The following EDARADD variants were observed in gnomAD, a reference collection of about 807,000 sequenced individuals.
The protein encoded by EDARADD is EDAR associated via death domain, also known as ectodysplasin-A receptor-associated adapter protein.
Under a neutral mutation model 25.6 loss-of-function variants are expected in EDARADD, and 20 were observed. That is an observed-to-expected ratio of 0.78 (90% CI 0.55 to 1.14). The LOEUF is 1.14. Ranked by LOEUF, EDARADD falls within the 50% of genes most tolerant of loss-of-function variation. The probability of loss-of-function intolerance (pLI) is 0.00; values close to 1 mark genes in which losing one functional copy is unlikely to be tolerated. For missense variants in EDARADD, 225 were observed against 270.1 expected, an observed-to-expected ratio of 0.83 and a Z score of 1.17; for synonymous variants, 86 against 94.4, an observed-to-expected ratio of 0.91 and a Z score of 0.52.
chr1:236,381,801 CTTTTTTT>C (rs71559949), intron 3 of EDARADD, among the ~76,000 whole-genome samples: 14 of 42,078 alleles, frequency 3.3e-4, no homozygotes, highest in East Asian at 8.1e-4. Flanking sequence ...CCTGTGGTTG[CTTTTTTT>C]TTTTTTTTTT....
At chr1:236,391,765 G>T (rs140043505), upstream of EDARADD, among the ~76,000 whole-genome samples, 410 of 152,262 alleles carry the variant, frequency 2.7e-3, 6 homozygotes, top group East Asian at 1.2e-3. Flanking sequence ...TTGAGTTGTT[G>T]TTTCCCCCAT....
chr1:236,451,564 A>C (rs1658712939), intron 4 of EDARADD, among the ~76,000 whole-genome samples: 1 of 152,008 alleles, frequency 6.6e-6, no homozygotes, highest in African/African-American at 2.4e-5. Context: ...CTGGGACTAC[A>C]GGTGCCCACC....
chr1:236,481,698 G>A (rs182529807), intron 5 of EDARADD, among the ~76,000 whole-genome samples: 292 of 151,068 alleles, frequency 1.9e-3, no homozygotes, highest in Non-Finnish European at 3.1e-3. Context: ...AGGATCGCTT[G>A]AGCCTGGAGG....
At chr1:236,427,335 G>A (rs1169510180) in intron 3 of EDARADD, 57 bp from the exon 4 acceptor site, 2 of 1,553,954 alleles carry the variant, frequency 1.3e-6, no homozygotes, top group Admixed American at 1.8e-5. Context: ...ACCACGGAGT[G>A]TGTGCTTTTT....
intron 4 of EDARADD, among the ~76,000 whole-genome samples, chr1:236,452,834 G>A (rs17582358): frequency 0.17 from 26,084 of 151,992 alleles, 2,427 homozygotes; most frequent in South Asian, 0.22. Context: ...AAACTCCTAT[G>A]ACACTAAAGA....
intron 1 of EDARADD, among the ~76,000 whole-genome samples, chr1:236,407,787 G>A (rs1667764240): frequency 6.6e-6 from 1 of 152,170 alleles, no homozygotes; most frequent in African/African-American, 2.4e-5. Flanking sequence ...TTGGAGATGG[G>A]AAACTTTTCT....
At chr1:236,447,051 C>A (rs1658561128) in intron 4 of EDARADD, among the ~76,000 whole-genome samples, 1 of 152,144 alleles carries the variant, frequency 6.6e-6, no homozygotes, top group Non-Finnish European at 1.5e-5. Context: ...GTGCTGGCAC[C>A]AGAGCACCTA....
At chr1:236,410,256 C>G (rs13373837) in intron 2 of EDARADD, among the ~76,000 whole-genome samples, 7,234 of 152,030 alleles carry the variant, frequency 0.048, 437 homozygotes, top group African/African-American at 0.14. Context: ...CACCCTCCCC[C>G]CTTTTGGAGT....
intron 4 of EDARADD, among the ~76,000 whole-genome samples, chr1:236,437,825 T>C (rs933311008): frequency 6.8e-6 from 1 of 147,470 alleles, no homozygotes; most frequent in Admixed American, 7.0e-5. Context: ...CTCAGCCCAC[T>C]GCGACCTTTG....
intron 3 of EDARADD, among the ~76,000 whole-genome samples, chr1:236,423,733 A>C (rs1476886887): frequency 1.3e-5 from 2 of 152,224 alleles, no homozygotes; most frequent in Non-Finnish European, 2.9e-5. Flanking sequence ...CTAGTCACTA[A>C]TTGGATGGAG....
intron 4 of EDARADD, among the ~76,000 whole-genome samples, chr1:236,446,341 G>A (rs1448628899): frequency 6.6e-6 from 1 of 152,126 alleles, no homozygotes; most frequent in African/African-American, 2.4e-5. Flanking sequence ...CACAAGGTCA[G>A]GAGTTTGAGA....
At chr1:236,416,360 G>C (rs984062516) in intron 3 of EDARADD, among the ~76,000 whole-genome samples, 1 of 152,234 alleles carries the variant, frequency 6.6e-6, no homozygotes, top group Non-Finnish European at 1.5e-5. Flanking sequence ...AAGTGAAACT[G>C]TCTTAGAAAA....
In EDARADD at chr1:236,482,581, G is replaced by T. The variant is rs928145231; in HGVS notation, c.580G>T (p.Val194Phe). The stretch of plus-strand genomic sequence containing the variant: ...CTACCACAGGGCCGACGTGGAGAAG[G>T]TTCTGCGCAGGTGGGTGGACGAGGA... ...RLYHRADVEK[V>F]LRRWVDEEWP... The change falls in exon 6 of 6, where the codon GTT becomes TTT. Residue 194 changes from valine (V) to phenylalanine (F), a missense_variant. Transcript: ENST00000334232. 3 of 1,613,334 alleles carry T rather than the reference G, an allele frequency of 1.9e-6. No homozygotes were observed. The highest frequency in any genetic ancestry group is 2.5e-6 in the Non-Finnish European group (3 of 1,180,026).
In EDARADD at chr1:236,479,648, C is replaced by G. The variant is rs185301232; in HGVS notation, c.266-2619C>G. On this transcript the variant is annotated intron_variant, in intron 5 of 5. Coordinates refer to ENST00000334232, the MANE Select transcript of EDARADD (RefSeq NM_145861.4). ...GCTTCTACTCCATGCTCCCCATGCT[C>G]TCTTCCTATTTTATTTTCCATGACT... Among the ~76,000 whole-genome samples the G allele has an allele frequency of 1.3e-3, 196 of 152,074 alleles. 4 individuals carry two copies. Among genetic ancestry groups the G allele is most frequent in the Admixed American group, 9.6e-3 (147 of 15,256 alleles).
Position 236,376,342 on chromosome 1 carries a change from G to A in EDARADD, c.-6+25503G>A, listed in dbSNP as rs751143089. ...ACTTCTTTTAGCATTTCTTCCAAGCGTGACTACTGGCAAGAAATTCTCTTA... is the reference window on the plus strand; with the variant it reads ...ACTTCTTTTAGCATTTCTTCCAAGCATGACTACTGGCAAGAAATTCTCTTA... On this transcript the variant is annotated intron_variant, in intron 3 of 7. Coordinates refer to the EDARADD transcript ENST00000439430. Among the ~76,000 whole-genome samples, 15 of 152,176 alleles carry A rather than the reference G, an allele frequency of 9.9e-5. 1 individual carries two copies. The highest frequency in any genetic ancestry group is 1.9e-4 in the Non-Finnish European group (13 of 68,002).
intron 5 of EDARADD, among the ~76,000 whole-genome samples, chr1:236,472,314 G>A (rs891820257): frequency 6.6e-6 from 1 of 152,202 alleles, no homozygotes; most frequent in African/African-American, 2.4e-5. Flanking sequence ...ATGTCTTCAA[G>A]GCAGGCGGAG....
chr1:236,439,087 G>A (rs1347363351), intron 4 of EDARADD, among the ~76,000 whole-genome samples: 2 of 152,184 alleles, frequency 1.3e-5, no homozygotes, highest in African/African-American at 2.4e-5. Flanking sequence ...ATGTCACATA[G>A]TTGGAATCAT....
chr1:236,466,807 A>G (rs1421945764), intron 4 of EDARADD, among the ~76,000 whole-genome samples: 3 of 152,188 alleles, frequency 2.0e-5, no homozygotes, highest in Admixed American at 6.6e-5. Context: ...TGTGGCTCAC[A>G]CCTGTAATCC....
intron 5 of EDARADD, among the ~76,000 whole-genome samples, chr1:236,473,473 T>C (rs1659408623): frequency 6.6e-6 from 1 of 152,130 alleles, no homozygotes. Context: ...CTCTTTCTTC[T>C]GCCTCCTTCA....
Sources: allele counts gnomAD v4.1 joint callset (sites outside exome capture counted in the v4.1 genomes callset), GRCh38; gene constraint gnomAD v4.1.1; transcripts MANE v1.5; gene names NCBI Gene and HGNC (gene_info 2026-07-23, HGNC 2026-07-21).